ENOX1: variants seen among roughly 807,000 people sequenced by gnomAD.
ENOX1 encodes candidate growth-related and time keeping constitutive hydroquinone (NADH) oxidase.
ENOX1 carries 42 observed loss-of-function variants against 82.5 expected under a neutral mutation model. The ratio of observed to expected loss-of-function variants is 0.51; its 90% CI spans 0.40 to 0.66. ENOX1 has a LOEUF of 0.66. Among genes scored for constraint, ENOX1 ranks in the 30% least tolerant of loss-of-function variants. The probability of loss-of-function intolerance (pLI) is 0.00; values close to 1 mark genes in which losing one functional copy is unlikely to be tolerated. For missense variants in ENOX1, 608 were observed against 811.6 expected (o/e 0.75, Z 3.05); for synonymous variants, 271 against 282.2 (o/e 0.96, Z 0.40).
chr13:43,592,972 T>C (rs1387316591), intron 2 of ENOX1, among the ~76,000 whole-genome samples: 2 of 152,256 alleles, frequency 1.3e-5, no homozygotes, highest in African/African-American at 4.8e-5. Context: ...TTCTGCATCC[T>C]TGAAGTTCTC....
chr13:43,275,488 G>A (rs1023646895), intron 12 of ENOX1, among the ~76,000 whole-genome samples: 10 of 152,042 alleles, frequency 6.6e-5, no homozygotes, highest in South Asian at 2.1e-4. Flanking sequence ...TGGGATGGAG[G>A]AGTAAGTACC....
At chr13:43,587,459 T>C (rs2081050074) in intron 2 of ENOX1, among the ~76,000 whole-genome samples, 1 of 152,218 alleles carries the variant, frequency 6.6e-6, no homozygotes, top group African/African-American at 2.4e-5. Flanking sequence ...TTCTGGTTAA[T>C]GCAATCCCAG....
intron 15 of ENOX1, among the ~76,000 whole-genome samples, chr13:43,231,620 T>G (rs1047583628): frequency 2.6e-5 from 4 of 152,216 alleles, no homozygotes; most frequent in African/African-American, 9.6e-5. Flanking sequence ...CTTAACAACT[T>G]CTTTATCCAT....
At chr13:43,408,835 A>T (rs2053951311) in intron 5 of ENOX1, among the ~76,000 whole-genome samples, 1 of 152,206 alleles carries the variant, frequency 6.6e-6, no homozygotes, top group African/African-American at 2.4e-5. Context: ...CACTGGGGGC[A>T]TGGAAAATAG....
At chr13:43,224,323 G>A (rs1299394227) in intron 15 of ENOX1, among the ~76,000 whole-genome samples, 185 bp from the exon 16 acceptor site, 1 of 152,172 alleles carries the variant, frequency 6.6e-6, no homozygotes, top group Non-Finnish European at 1.5e-5. Flanking sequence ...ATGGCAAACA[G>A]AACACTTTAT....
chr13:43,287,569 T>C (rs977830876), intron 12 of ENOX1, among the ~76,000 whole-genome samples: 2 of 152,226 alleles, frequency 1.3e-5, no homozygotes, highest in South Asian at 2.1e-4. Flanking sequence ...ATTTTCCTTC[T>C]ACTAGTTCAG....
intron 1 of ENOX1, among the ~76,000 whole-genome samples, chr13:43,781,746 G>T (rs1390283153): frequency 2.0e-5 from 3 of 152,084 alleles, no homozygotes; most frequent in Non-Finnish European, 4.4e-5. Context: ...CCCGACATCA[G>T]GTGAACTGCC....
intron 12 of ENOX1, among the ~76,000 whole-genome samples, chr13:43,286,004 C>A (rs1362370416): frequency 1.3e-5 from 2 of 152,066 alleles, no homozygotes; most frequent in Non-Finnish European, 2.9e-5. Context: ...GAGGAAAGCC[C>A]TGGAGCATGA....
At chr13:43,411,804 C>T (rs1394020718) in intron 5 of ENOX1, 112 bp downstream of exon 5, 2 of 1,368,206 alleles carry the variant, frequency 1.5e-6, no homozygotes, top group African/African-American at 1.4e-5. Flanking sequence ...ATGCCCCAGT[C>T]ATAAATAAAA....
At chr13:43,571,133 T>C (rs986504897) in intron 2 of ENOX1, among the ~76,000 whole-genome samples, 1 of 152,202 alleles carries the variant, frequency 6.6e-6, no homozygotes, top group African/African-American at 2.4e-5. Flanking sequence ...TATTCTGTTA[T>C]GCTTTAAGCA....
chr13:43,524,950 T>C (rs969217865), intron 2 of ENOX1, among the ~76,000 whole-genome samples: 7 of 152,118 alleles, frequency 4.6e-5, no homozygotes, highest in African/African-American at 1.4e-4. Context: ...GTGTCACCGA[T>C]GTCTAGAATG....
chr13:43,679,259 T>G (rs949163743), intron 1 of ENOX1, among the ~76,000 whole-genome samples: 1 of 152,210 alleles, frequency 6.6e-6, no homozygotes, highest in South Asian at 2.1e-4. Flanking sequence ...CAGATTTCTA[T>G]GCCATGATCA....
chr13:43,351,399 T>TTTA (rs2049781164), intron 8 of ENOX1, among the ~76,000 whole-genome samples: 1 of 144,916 alleles, frequency 6.9e-6, no homozygotes, highest in South Asian at 2.3e-4. Context: ...TTTCTTTTTA[T>TTTA]TTTATTTATT....
chr13:43,309,756 C>T (rs2047081966), intron 11 of ENOX1, among the ~76,000 whole-genome samples: 2 of 152,142 alleles, frequency 1.3e-5, no homozygotes. Flanking sequence ...AAGAGTTGTT[C>T]AGACATTTAA....
At chr13:43,352,767 G>A (rs1283600231) in intron 8 of ENOX1, among the ~76,000 whole-genome samples, 5 of 152,116 alleles carry the variant, frequency 3.3e-5, no homozygotes, top group African/African-American at 1.2e-4. Flanking sequence ...TGTTACCTCT[G>A]GTTTCAGAAG....
At chr13:43,581,497 G>A (rs2080738195) in intron 2 of ENOX1, among the ~76,000 whole-genome samples, 1 of 152,076 alleles carries the variant, frequency 6.6e-6, no homozygotes, top group South Asian at 2.1e-4. Flanking sequence ...CATCCCCAAG[G>A]AGGAAAAGTC....
chr13:43,577,140 CTTTTTT>C (rs1470225537), intron 2 of ENOX1, among the ~76,000 whole-genome samples: 1 of 134,398 alleles, frequency 7.4e-6, no homozygotes, highest in Non-Finnish European at 1.6e-5. Context: ...TTTTTTTTTT[CTTTTTT>C]TTTGAGACAG....
intron 3 of ENOX1, among the ~76,000 whole-genome samples, chr13:43,469,853 A>G (rs1266281284): frequency 2.0e-5 from 3 of 151,986 alleles, no homozygotes; most frequent in Admixed American, 2.0e-4. Context: ...TGGAAGGCTT[A>G]TACCATCTGA....
At chr13:43,352,436 T>C (rs2049868403) in intron 8 of ENOX1, among the ~76,000 whole-genome samples, 1 of 152,186 alleles carries the variant, frequency 6.6e-6, no homozygotes, top group African/African-American at 2.4e-5. Context: ...CCTCCCACAG[T>C]CCAAACACAG....
Sources: allele counts gnomAD v4.1 joint callset (sites outside exome capture counted in the v4.1 genomes callset), GRCh38; gene constraint gnomAD v4.1.1; transcripts MANE v1.5; gene names NCBI Gene and HGNC (gene_info 2026-07-23, HGNC 2026-07-21).